LNX2: variants seen among roughly 807,000 people sequenced by gnomAD.
LNX2 encodes ligand of Numb protein X 2.
In LNX2, 35 loss-of-function variants were observed where a neutral mutation model predicts 66.2. That is an observed-to-expected ratio of 0.53 (90% confidence interval 0.40 to 0.70). The LOEUF is 0.70. LNX2 is among the 30% of genes least tolerant of loss of function. The pLI, the probability that LNX2 is intolerant of heterozygous loss-of-function variation, is 0.00. For missense variants in LNX2, 791 were observed against 850.8 expected (o/e 0.93, Z 0.87); for synonymous variants, 337 against 315.6 (o/e 1.07, Z -0.72).
chr13:27,610,338 C>G (rs1955759521), intron 1 of LNX2, among the ~76,000 whole-genome samples: 2 of 152,214 alleles, frequency 1.3e-5, no homozygotes, highest in South Asian at 4.1e-4. Flanking sequence ...TATGAAGCAG[C>G]TGAAAACTGT....
At chr13:27,618,435 T>C (rs1335865959) in intron 1 of LNX2, among the ~76,000 whole-genome samples, 1 of 152,154 alleles carries the variant, frequency 6.6e-6, no homozygotes, top group Non-Finnish European at 1.5e-5. Context: ...CCTGAGCACT[T>C]AACCCCTCCA....
intron 1 of LNX2, among the ~76,000 whole-genome samples, chr13:27,588,757 T>C (rs888090070): frequency 1.3e-5 from 2 of 152,232 alleles, no homozygotes; most frequent in Non-Finnish European, 2.9e-5. Flanking sequence ...AGCTTTTATC[T>C]GTCTGTATTC....
chr13:27,562,492 C>T lies in LNX2; in HGVS notation c.1145G>A (p.Ser382Asn), dbSNP rs768799938. 2 of 1,614,214 alleles carry T rather than the reference C, an allele frequency of 1.2e-6. No homozygotes were observed. Among genetic ancestry groups the T allele is most frequent in the Non-Finnish European group, 1.7e-6 (2 of 1,180,038 alleles). The change falls in exon 5 of 10, where the codon AGC (serine) becomes AAC (asparagine). Residue 382 changes from serine to asparagine, a missense_variant. Coordinates refer to ENST00000316334, the MANE Select transcript of LNX2 (RefSeq NM_153371.4). ...GGLAAQDGRL[S>N]SNDRVLAING... ...GATGGCCAGCACTCGGTCATTGCTG[C>T]TTAGCCTGCCGTCCTGGGCAGCCAA... is the stretch of plus-strand genomic sequence containing the variant.
chr13:27,558,885 C>T (rs1307458551), intron 6 of LNX2, among the ~76,000 whole-genome samples: 2 of 152,118 alleles, frequency 1.3e-5, no homozygotes, highest in African/African-American at 2.4e-5. Context: ...TTAAGCTATG[C>T]TTTCTTAGGG....
intron 4 of LNX2, 94 bp from the exon 5 acceptor site, chr13:27,562,875 T>C: frequency 7.9e-7 from 1 of 1,272,858 alleles, no homozygotes; most frequent in Non-Finnish European, 1.1e-6. Flanking sequence ...AAACTAAGTA[T>C]TGTGAGAGTG....
At chr13:27,565,700 T>C (rs1273388515) in intron 4 of LNX2, among the ~76,000 whole-genome samples, 1 of 152,196 alleles carries the variant, frequency 6.6e-6, no homozygotes, top group Admixed American at 6.5e-5. Context: ...CATCTAAGTA[T>C]TTGGTAAAAA....
At chr13:27,553,616 A>C (rs1052332934) in intron 7 of LNX2, among the ~76,000 whole-genome samples, 177 bp from the exon 8 acceptor site, 1 of 152,210 alleles carries the variant, frequency 6.6e-6, no homozygotes, top group Non-Finnish European at 1.5e-5. Context: ...GAAGAAACCC[A>C]ATACACAGAA....
At chr13:27,595,527 T>C (rs1955588170) in intron 1 of LNX2, among the ~76,000 whole-genome samples, 1 of 152,212 alleles carries the variant, frequency 6.6e-6, no homozygotes, top group South Asian at 2.1e-4. Flanking sequence ...ATTTTGTCTC[T>C]AGAATTCTTA....
chr13:27,599,412 G>C lies in LNX2; in HGVS notation c.-100-17609C>G, dbSNP rs572668609. On this transcript the variant is annotated intron_variant, in intron 1 of 9. Coordinates refer to ENST00000316334, the MANE Select transcript of LNX2 (RefSeq NM_153371.4). The stretch of plus-strand genomic sequence containing the variant: ...TTGTAAATTAGTGCCTCAAGATCTG[G>C]AATCCCACTTGGTTTTTCCTGCCAA... 3.2e-4 allele frequency among the ~76,000 whole-genome samples: 49 copies of C among 152,248 alleles called. No homozygotes were observed. The South Asian group carries it at 9.7e-3, about 30-fold the overall frequency.
At chr13:27,617,283 A>T (rs1357549943) in intron 1 of LNX2, among the ~76,000 whole-genome samples, 1 of 152,194 alleles carries the variant, frequency 6.6e-6, no homozygotes, top group Non-Finnish European at 1.5e-5. Flanking sequence ...TACATGCAAG[A>T]TACATATGTA....
At chr13:27,587,533 T>C (rs374394860) in intron 1 of LNX2, among the ~76,000 whole-genome samples, 13 of 152,324 alleles carry the variant, frequency 8.5e-5, no homozygotes, top group African/African-American at 2.2e-4. Flanking sequence ...TGAGGAAATA[T>C]TGTGCATTTG....
intron 1 of LNX2, among the ~76,000 whole-genome samples, chr13:27,598,678 G>A (rs116908633): frequency 0.032 from 4,929 of 152,154 alleles, 106 homozygotes; most frequent in Middle Eastern, 0.082. Context: ...GTGAGGGATG[G>A]AAACATGATT....
intron 2 of LNX2, among the ~76,000 whole-genome samples, chr13:27,573,589 C>T (rs1955308697): frequency 1.3e-5 from 2 of 149,408 alleles, no homozygotes; most frequent in South Asian, 4.3e-4. Context: ...TGTGTGTAGG[C>T]TAAGGTGGAG....
intron 1 of LNX2, among the ~76,000 whole-genome samples, chr13:27,605,591 C>G (rs1233251144): frequency 6.6e-6 from 1 of 152,184 alleles, no homozygotes; most frequent in Non-Finnish European, 1.5e-5. Context: ...TCAAAGAAGT[C>G]TGGTTTCCAA....
intron 1 of LNX2, among the ~76,000 whole-genome samples, chr13:27,604,299 C>G (rs1394003349): frequency 1.3e-5 from 2 of 152,240 alleles, no homozygotes; most frequent in African/African-American, 4.8e-5. Flanking sequence ...CTATGGTACC[C>G]TCTCAGATGA....
intron 7 of LNX2, among the ~76,000 whole-genome samples, chr13:27,554,979 T>C (rs1955041003): frequency 6.6e-6 from 1 of 152,172 alleles, no homozygotes; most frequent in Non-Finnish European, 1.5e-5. Flanking sequence ...TGAGACAGGA[T>C]CTCACTCTGA....
At chr13:27,607,337 C>T (rs1955727851) in intron 1 of LNX2, among the ~76,000 whole-genome samples, 1 of 152,192 alleles carries the variant, frequency 6.6e-6, no homozygotes, top group Non-Finnish European at 1.5e-5. Context: ...ACTGATGAGT[C>T]ATGGGTCACA....
upstream of LNX2, chr13:27,621,074 C>G (rs1955906612): frequency 1.3e-5 from 2 of 153,654 alleles, no homozygotes; most frequent in Admixed American, 6.5e-5. Flanking sequence ...ACGCAGGGAG[C>G]TGGATGGAGA....
At chr13:27,609,679 G>A (rs575552910) in intron 1 of LNX2, among the ~76,000 whole-genome samples, 2 of 152,248 alleles carry the variant, frequency 1.3e-5, no homozygotes, top group Admixed American at 6.5e-5. Context: ...TAAATTAGTT[G>A]AAAGTTGACT....
Sources: allele counts gnomAD v4.1 joint callset (sites outside exome capture counted in the v4.1 genomes callset), GRCh38; gene constraint gnomAD v4.1.1; transcripts MANE v1.5; gene names NCBI Gene and HGNC (gene_info 2026-07-23, HGNC 2026-07-21).